The following ATP10A variants were observed in gnomAD, a reference collection of about 807,000 sequenced individuals.
ATP10A encodes the protein phospholipid-transporting ATPase VA.
In ATP10A, 111 loss-of-function variants were observed where a neutral mutation model predicts 147.8. That is an observed-to-expected ratio of 0.75 (90% CI 0.64 to 0.88). The LOEUF is 0.88. Ranked by LOEUF, ATP10A falls within the 40% of genes least tolerant of loss-of-function variation. ATP10A has a pLI of 0.00. For missense variants in ATP10A, 1,927 were observed against 1,959.0 expected, an observed-to-expected ratio of 0.98 and a Z score of 0.31; for synonymous variants, 875 against 841.6, an observed-to-expected ratio of 1.04 and a Z score of -0.69.
At chr15:25,705,647 T>C (rs1900956516) in intron 12 of ATP10A, among the ~76,000 whole-genome samples, 1 of 152,100 alleles carries the variant, frequency 6.6e-6, no homozygotes, top group Admixed American at 6.5e-5. Context: ...ATTTGAAACA[T>C]AAACATATCA....
intron 13 of ATP10A, among the ~76,000 whole-genome samples, chr15:25,698,574 CA>C (rs1205235444): frequency 4.6e-5 from 7 of 152,104 alleles, no homozygotes; most frequent in Non-Finnish European, 7.4e-5. Flanking sequence ...TTTGGAGAGT[CA>C]AAAGTTATAT....
intron 15 of ATP10A, among the ~76,000 whole-genome samples, chr15:25,690,581 T>A (rs1436848858): frequency 6.6e-6 from 1 of 152,246 alleles, no homozygotes; most frequent in Non-Finnish European, 1.5e-5. Context: ...GTGGTTCATC[T>A]GCAAGTTTTT....
intron 1 of ATP10A, among the ~76,000 whole-genome samples, chr15:25,812,069 G>T (rs1891458334): frequency 1.3e-5 from 2 of 152,238 alleles, no homozygotes; most frequent in Admixed American, 1.3e-4. Context: ...CCCTAAAATG[G>T]AGTGAACGTT....
At chr15:25,697,178 C>T (rs1900385736) in intron 13 of ATP10A, among the ~76,000 whole-genome samples, 1 of 152,224 alleles carries the variant, frequency 6.6e-6, no homozygotes, top group Non-Finnish European at 1.5e-5. Flanking sequence ...GCAAACTCTG[C>T]AACAGACTGC....
chr15:25,860,166 T>C (rs1359887600), intron 1 of ATP10A, among the ~76,000 whole-genome samples: 1 of 152,120 alleles, frequency 6.6e-6, no homozygotes, highest in Non-Finnish European at 1.5e-5. Flanking sequence ...TTCACCCCAG[T>C]GTACCCTAGA....
At chr15:25,727,583 G>C (rs997412315) in intron 3 of ATP10A, among the ~76,000 whole-genome samples, 6 of 152,138 alleles carry the variant, frequency 3.9e-5, no homozygotes, top group African/African-American at 7.2e-5. Context: ...ACTCCCAACC[G>C]GCCAAGGAAG....
intron 15 of ATP10A, 96 bp downstream of exon 15, chr15:25,691,619 T>C: frequency 7.9e-7 from 1 of 1,259,462 alleles, no homozygotes; most frequent in Non-Finnish European, 1.2e-6. Flanking sequence ...CCTCGTTCAG[T>C]AGAGCCCAGA....
intron 1 of ATP10A, among the ~76,000 whole-genome samples, chr15:25,836,015 G>A (rs186236274): frequency 1.4e-4 from 21 of 152,244 alleles, no homozygotes; most frequent in African/African-American, 2.6e-4. Context: ...GGGTTTCACC[G>A]TGTTAGCCAG....
At chr15:25,734,342 CTTAT>C (rs776611881) in intron 3 of ATP10A, among the ~76,000 whole-genome samples, 2 of 152,190 alleles carry the variant, frequency 1.3e-5, no homozygotes, top group Non-Finnish European at 1.5e-5. Flanking sequence ...AAGTCGGCCC[CTTAT>C]TTATTTATGT....
rs1171281079 is a variant in ATP10A at position 25,691,744 on chromosome 15, C to A, written c.3136G>T (p.Val1046Leu). 6.2e-7 allele frequency: 1 copy of A among 1,614,224 alleles called. No individual in the cohort carries two copies. Among genetic ancestry groups the A allele is most frequent in the Non-Finnish European group, 8.5e-7 (1 of 1,180,044 alleles). Residue 1046 changes from valine to leucine, a missense_variant, in exon 15 of 21, where the codon GTG (valine) becomes TTG (leucine). By Grantham distance (32) the Val-to-Leu change is conservative. Coordinates refer to ENST00000555815, the MANE Select transcript of ATP10A (RefSeq NM_024490.4). ...VSMIQVADVG[V>L]GISGQEGMQA... ...ATACCCTCCTGGCCGGAGATTCCCA[C>A]ACCCACATCTGCCACCTGGATCATG...
chr15:25,726,228 C>G (rs1902538741), intron 4 of ATP10A, 146 bp from the exon 5 acceptor site: 2 of 808,260 alleles, frequency 2.5e-6, no homozygotes, highest in East Asian at 5.4e-5. Flanking sequence ...TAAAATTAAT[C>G]TTACTTCCTG....
chr15:25,710,058 A>C (rs1901307848), intron 10 of ATP10A: 1 of 152,256 alleles, frequency 6.6e-6, no homozygotes, highest in African/African-American at 2.4e-5. Context: ...CCACTTGCTG[A>C]AGTGATGCTG....
intron 1 of ATP10A, among the ~76,000 whole-genome samples, chr15:25,857,574 T>G (rs923473699): frequency 1.7e-4 from 26 of 152,200 alleles, no homozygotes; most frequent in Non-Finnish European, 1.0e-4. Context: ...GGAGTTTGCA[T>G]CAGAATGACA....
intron 2 of ATP10A, among the ~76,000 whole-genome samples, chr15:25,740,656 G>T (rs1042507809): frequency 6.6e-6 from 1 of 152,192 alleles, no homozygotes; most frequent in East Asian, 1.9e-4. Context: ...TTGACATCAC[G>T]CCTGGACATG....
chr15:25,710,758 G>C (rs1901359442), intron 10 of ATP10A: 1 of 152,284 alleles, frequency 6.6e-6, no homozygotes, highest in South Asian at 2.1e-4. Flanking sequence ...CCCACGCTAG[G>C]CAGTGGGCTA....
intron 1 of ATP10A, among the ~76,000 whole-genome samples, chr15:25,839,926 C>T (rs957793866): frequency 2.6e-5 from 4 of 152,056 alleles, no homozygotes; most frequent in South Asian, 2.1e-4. Context: ...CATTCGTGTG[C>T]GTGTGTGTGC....
In ATP10A at chr15:25,862,097, A is replaced by G. The variant is rs951451602; in HGVS notation, c.449+551T>C. On this transcript the variant is annotated intron_variant, in intron 1 of 20. Transcript: ENST00000555815. ...GCCTGGCTCGCGGCTCATGGCTCAC[A>G]GTGGAGGATGGACACTGCTGTTATT... 3 of 333,050 alleles carry G rather than the reference A, an allele frequency of 9.0e-6. No homozygotes were observed. In the Admixed American group the frequency reaches 1.2e-4, roughly 13 times the overall value. The allele number at this position is 333,050 out of a possible 1,614,324, so 20.6% of individuals were successfully genotyped here. A position where few individuals can be genotyped will look rare whatever the true frequency, so the allele number is the denominator to read the frequency against.
chr15:25,731,466 C>T (rs1902982961), intron 3 of ATP10A, among the ~76,000 whole-genome samples: 1 of 152,172 alleles, frequency 6.6e-6, no homozygotes, highest in Non-Finnish European at 1.5e-5. Context: ...ACTAACCAGC[C>T]AACCTCTTTG....
At chr15:25,717,647 C>T (rs552660556) in intron 8 of ATP10A, among the ~76,000 whole-genome samples, 1 of 152,146 alleles carries the variant, frequency 6.6e-6, no homozygotes, top group African/African-American at 2.4e-5. Flanking sequence ...AGAATGAGGC[C>T]ACCACAGAGT....
Sources: gnomAD v4.1 joint callset for allele counts (sites outside exome capture counted in the v4.1 genomes callset) on GRCh38, gnomAD v4.1.1 for gene constraint, MANE v1.5 for transcripts, NCBI Gene and HGNC (gene_info 2026-07-23, HGNC 2026-07-21) for gene names.